Variants in METTL22 observed in about 807,000 individuals in gnomAD.
The protein encoded by METTL22 is methyltransferase-like protein 22.
In METTL22, 51 loss-of-function variants were observed where a neutral mutation model predicts 48.4. The ratio of observed to expected loss-of-function variants is 1.05; its 90% CI spans 0.84 to 1.33. METTL22 has a LOEUF of 1.33. Among genes scored for constraint, METTL22 ranks in the 40% most tolerant of loss-of-function variants. The probability of loss-of-function intolerance (pLI) is 0.00; values close to 1 mark genes in which losing one functional copy is unlikely to be tolerated. For synonymous variants in METTL22, 255 were observed against 214.1 expected, an observed-to-expected ratio of 1.19 and a Z score of -1.67; for missense variants, 678 against 526.9, an observed-to-expected ratio of 1.29 and a Z score of -2.81.
chr16:8,644,476 T>C (rs1006769035), intron 9 of METTL22, 81 bp from the exon 10 acceptor site: 27 of 1,401,000 alleles, frequency 1.9e-5, no homozygotes, highest in East Asian at 4.9e-5. Flanking sequence ...CAGTGAGGGA[T>C]AGGAAAGCAA....
intron 2 of METTL22, among the ~76,000 whole-genome samples, chr16:8,626,237 C>T (rs997211703): frequency 3.3e-5 from 5 of 152,174 alleles, no homozygotes; most frequent in African/African-American, 4.8e-5. Flanking sequence ...AACCCTCCCA[C>T]CTTAGCCTCT....
At chr16:8,641,928 G>C (rs978824338) in intron 7 of METTL22, 199 bp from the exon 8 acceptor site, 1 of 615,602 alleles carries the variant, frequency 1.6e-6, no homozygotes, top group East Asian at 2.7e-5. Flanking sequence ...AGCAGAAAAG[G>C]CACCTCTTCC....
chr16:8,629,091 G>T lies in METTL22; in HGVS notation c.495G>T (p.Pro165=). ...DVLGEEAQGS[P]HDIIRIEHTM... ...TGGGAGAGGAAGCACAAGGCAGCCCGCACGATATCATCAGAATAGGTAAAT... is the reference window on the plus strand; with the variant it reads ...TGGGAGAGGAAGCACAAGGCAGCCCTCACGATATCATCAGAATAGGTAAAT... Residue 165 remains proline, a synonymous_variant, in exon 3 of 11, where the codon CCG becomes CCT. Transcript: ENST00000381920. 1.2e-6 allele frequency: 2 copies of T among 1,613,204 alleles called. No individual in the cohort carries two copies. The highest frequency in any genetic ancestry group is 1.7e-6 in the Non-Finnish European group (2 of 1,179,944).
At chr16:8,665,444 C>CCCT in the METTL22 span, among the ~76,000 whole-genome samples, 2 of 152,230 alleles carry the variant, frequency 1.3e-5, no homozygotes, top group Non-Finnish European at 2.9e-5. Flanking sequence ...CAGGCAAAGC[C>CCCT]CCTCCCTCTG....
At chr16:8,652,877 A>C (rs55943227), downstream of METTL22, among the ~76,000 whole-genome samples, 3,630 of 152,222 alleles carry the variant, frequency 0.024, 152 homozygotes, top group African/African-American at 0.083. Flanking sequence ...TGAATGGGGA[A>C]GGGCAAAAGG....
intron 3 of METTL22, among the ~76,000 whole-genome samples, chr16:8,633,443 A>G (rs1013792434): frequency 6.6e-5 from 10 of 152,122 alleles, no homozygotes; most frequent in Non-Finnish European, 1.3e-4. Context: ...CAAAAACTAC[A>G]AAACTAAAAA....
At chr16:8,645,964 C>CT in intron 10 of METTL22, 144 bp from the exon 11 acceptor site, 1 of 1,447,264 alleles carries the variant, frequency 6.9e-7, no homozygotes, top group Non-Finnish European at 9.1e-7. Flanking sequence ...GAGGAAGCCG[C>CT]CCGTCCGCTC....
At chr16:8,630,291 C>A (rs1302063530) in intron 3 of METTL22, among the ~76,000 whole-genome samples, 1 of 152,176 alleles carries the variant, frequency 6.6e-6, no homozygotes, top group African/African-American at 2.4e-5. Flanking sequence ...ATACCAGAAC[C>A]CAGTTCCATG....
intron 3 of METTL22, among the ~76,000 whole-genome samples, chr16:8,633,472 G>A (rs993979435): frequency 2.0e-5 from 3 of 152,184 alleles, no homozygotes; most frequent in Admixed American, 2.0e-4. Flanking sequence ...CTGGCATGGA[G>A]GCATGCACCT....
chr16:8,666,081 C>G, the METTL22 span, among the ~76,000 whole-genome samples: 1 of 152,164 alleles, frequency 6.6e-6, no homozygotes, highest in South Asian at 2.1e-4. Context: ...AGTTCACCTG[C>G]CTCTATCATC....
At chr16:8,622,032 G>T (rs1246305033) in intron 1 of METTL22, among the ~76,000 whole-genome samples, 1 of 152,210 alleles carries the variant, frequency 6.6e-6, no homozygotes, top group African/African-American at 2.4e-5. Context: ...CCCGACCTGT[G>T]ACTGTTTTTT....
At chr16:8,633,409 C>A (rs758744248) in intron 3 of METTL22, among the ~76,000 whole-genome samples, 3 of 152,134 alleles carry the variant, frequency 2.0e-5, no homozygotes, top group Non-Finnish European at 4.4e-5. Flanking sequence ...CCAGCCCTGG[C>A]AACATGCTGA....
At chr16:8,644,872 G>A in intron 10 of METTL22, 147 bp downstream of exon 10, 1 of 832,422 alleles carries the variant, frequency 1.2e-6, no homozygotes. Context: ...GGCACCATCT[G>A]TAGTGGAACC....
the METTL22 span, among the ~76,000 whole-genome samples, chr16:8,657,366 A>C: frequency 6.6e-6 from 1 of 152,186 alleles, no homozygotes; most frequent in African/African-American, 2.4e-5. Flanking sequence ...AGTTAAATAC[A>C]ATATTAAGTA....
At chr16:8,665,518 A>G in the METTL22 span, among the ~76,000 whole-genome samples, 1 of 152,214 alleles carries the variant, frequency 6.6e-6, no homozygotes, top group African/African-American at 2.4e-5. Context: ...AACTTCCAGG[A>G]TTCCCAAGAT....
chr16:8,625,517 A>C lies in METTL22; in HGVS notation c.-149A>C, dbSNP rs978452745. The C allele has an allele frequency of 3.5e-6, 2 of 565,760 alleles. No individual in the cohort carries two copies. Among genetic ancestry groups the C allele is most frequent in the African/African-American group, 3.8e-5 (2 of 52,914 alleles). 35.0% of individuals were successfully genotyped at this position (565,760 alleles called of 1,614,324 possible). On this transcript the variant is annotated 5_prime_UTR_variant, in exon 2 of 11. Coordinates refer to ENST00000381920, the MANE Select transcript of METTL22 (RefSeq NM_024109.4). ...CCAGCTGGATTCTCTTCCCTGGCCA[A>C]GTCTCTGAGATCTTCTCCCAGGGCG...
chr16:8,659,176 C>G, the METTL22 span, among the ~76,000 whole-genome samples: 1 of 152,106 alleles, frequency 6.6e-6, no homozygotes, highest in Non-Finnish European at 1.5e-5. Context: ...ACTAAAAATA[C>G]AAAAATTAGT....
chr16:8,660,892 G>T, the METTL22 span, among the ~76,000 whole-genome samples: 1 of 135,270 alleles, frequency 7.4e-6, no homozygotes, highest in Non-Finnish European at 1.6e-5. Context: ...AGGAGGAGGA[G>T]GAGGAGGAGG....
At chr16:8,645,623 A>C (rs2056762651) in intron 10 of METTL22, among the ~76,000 whole-genome samples, 1 of 152,016 alleles carries the variant, frequency 6.6e-6, no homozygotes, top group Non-Finnish European at 1.5e-5. Flanking sequence ...ATCAAGAAAA[A>C]AAATTAGCCA....
Sources: allele counts gnomAD v4.1 joint callset (sites outside exome capture counted in the v4.1 genomes callset), GRCh38; gene constraint gnomAD v4.1.1; transcripts MANE v1.5; gene names NCBI Gene and HGNC (gene_info 2026-07-23, HGNC 2026-07-21).